SYNE2: variants seen among roughly 807,000 people sequenced by gnomAD.
SYNE2 encodes nesprin-2.
A neutral mutation model predicts 856.3 loss-of-function variants in SYNE2; 431 were observed. That is an observed-to-expected ratio of 0.50 (90% CI 0.47 to 0.55). The LOEUF is 0.55. Ranked by LOEUF, SYNE2 falls within the 20% of genes least tolerant of loss-of-function variation. The pLI, the probability that SYNE2 is intolerant of heterozygous loss-of-function variation, is 0.00. For missense variants in SYNE2, 8,129 were observed against 8,023.2 expected, an observed-to-expected ratio of 1.01 and a Z score of -0.50; for synonymous variants, 2,923 against 2,872.3, an observed-to-expected ratio of 1.02 and a Z score of -0.56.
At chr14:64,225,185 A>G (rs1185787309) in intron 115 of SYNE2, 134 bp from the exon 116 acceptor site, 1 of 1,556,452 alleles carries the variant, frequency 6.4e-7, no homozygotes, top group Admixed American at 1.8e-5. Flanking sequence ...CTCCTCTGAA[A>G]CTGAACCCCA....
At chr14:64,065,702 T>C (rs750064770) in intron 51 of SYNE2, 52 bp downstream of exon 51, 6 of 1,591,830 alleles carry the variant, frequency 3.8e-6, no homozygotes, top group Non-Finnish European at 5.1e-6. Flanking sequence ...GTTATTTAAA[T>C]TGTTTTATTA....
At chr14:63,951,746 T>C (rs1306854555) in intron 7 of SYNE2, among the ~76,000 whole-genome samples, 1 of 148,268 alleles carries the variant, frequency 6.7e-6, no homozygotes, top group African/African-American at 2.7e-5. Flanking sequence ...CAGTTTTCTA[T>C]ATTTTAAAAA....
In SYNE2 at chr14:64,078,496, T is replaced by A. The variant is rs2097489056; in HGVS notation, c.11053T>A (p.Ser3685Thr). 4 of 1,614,006 alleles carry A rather than the reference T, an allele frequency of 2.5e-6. No homozygotes were observed. In the South Asian group the frequency reaches 4.4e-5, roughly 18 times the overall value. ...ISNEVLKSSP[S>T]YAMRRKIEEI... is the part of the protein sequence containing the mutation. ...CAATGAAGTCTTAAAAAGCTCACCA[T>A]CATATGCAATGAGGAGAAAAATAGA... The change falls in exon 55 of 116, where the codon TCA becomes ACA. Residue 3685 changes from serine (S) to threonine (T), a missense_variant. By Grantham distance (58) the Ser-to-Thr change is moderately conservative. Transcript: ENST00000555002.
At position 64,225,892 on chromosome 14, in the gene SYNE2, A is replaced by G. The variant is rs978995949; in HGVS notation, c.*366A>G. The G allele has an allele frequency of 8.2e-6, 4 of 490,606 alleles. No individual in the cohort carries two copies. The highest frequency in any genetic ancestry group is 1.5e-5 in the Non-Finnish European group (4 of 274,738). The allele number at this position is 490,606 out of a possible 1,614,324, so 30.4% of individuals were successfully genotyped here. On this transcript the variant is annotated 3_prime_UTR_variant, in exon 116 of 116. Transcript: ENST00000555002. ...CAATGAGCAGTGGTGTCCATCACAT[A>G]TATTATAGAAGCAAGCGAGGACATT...
chr14:63,992,068 C>A (rs969496129), intron 21 of SYNE2, among the ~76,000 whole-genome samples: 1 of 152,052 alleles, frequency 6.6e-6, no homozygotes, highest in South Asian at 2.1e-4. Context: ...GATCTCACGC[C>A]GTTTGAATTT....
At chr14:63,821,765 A>C (rs1203986850) in intron 1 of SYNE2, among the ~76,000 whole-genome samples, 2 of 152,054 alleles carry the variant, frequency 1.3e-5, no homozygotes, top group African/African-American at 2.4e-5. Context: ...AAAAAAAAAG[A>C]ATAATGGAGT....
At chr14:64,112,552 T>C (rs2097819366) in intron 65 of SYNE2, among the ~76,000 whole-genome samples, 1 of 152,222 alleles carries the variant, frequency 6.6e-6, no homozygotes, top group African/African-American at 2.4e-5. Context: ...TTTCATTTGG[T>C]ATCTGGGAGA....
intron 21 of SYNE2, among the ~76,000 whole-genome samples, chr14:63,992,311 C>T (rs188266535): frequency 6.6e-6 from 1 of 152,210 alleles, no homozygotes; most frequent in African/African-American, 2.4e-5. Flanking sequence ...GGGTCTCACT[C>T]TGTCACCCAG....
chr14:64,221,842 A>G (rs577270641), intron 112 of SYNE2, 138 bp downstream of exon 112: 7 of 1,045,690 alleles, frequency 6.7e-6, no homozygotes, highest in African/African-American at 1.6e-5. Flanking sequence ...GTTCAGCCCT[A>G]GTGTTCCTCC....
intron 28 of SYNE2, among the ~76,000 whole-genome samples, chr14:64,001,088 T>C (rs1248060630): frequency 6.6e-6 from 1 of 152,196 alleles, no homozygotes; most frequent in Non-Finnish European, 1.5e-5. Flanking sequence ...GGACCTTGTA[T>C]ACATAGGTTG....
intron 34 of SYNE2, among the ~76,000 whole-genome samples, chr14:64,018,882 T>A (rs2096914999): frequency 6.6e-6 from 1 of 152,224 alleles, no homozygotes; most frequent in Non-Finnish European, 1.5e-5. Context: ...AGTCTCAGGT[T>A]GTGGCATCTG....
At chr14:64,165,179 G>C (rs1445515584) in intron 89 of SYNE2, 106 bp from the exon 90 acceptor site, 2 of 1,239,696 alleles carry the variant, frequency 1.6e-6, no homozygotes, top group African/African-American at 3.0e-5. Flanking sequence ...GAGCCACCGT[G>C]CCTAGCCAAA....
chr14:63,949,052 G>C (rs961601905), intron 6 of SYNE2, among the ~76,000 whole-genome samples: 5 of 151,724 alleles, frequency 3.3e-5, no homozygotes, highest in Non-Finnish European at 7.4e-5. Flanking sequence ...TTTGTTAATT[G>C]TGTTGTTGAC....
intron 104 of SYNE2, 42 bp from the exon 105 acceptor site, chr14:64,212,769 G>A (rs2098647948): frequency 1.3e-6 from 2 of 1,592,244 alleles, no homozygotes; most frequent in African/African-American, 2.7e-5. Context: ...GGAAGCTCAG[G>A]GTAACTTTCT....
chr14:63,793,844 T>C (rs1042597075), intron 1 of SYNE2, among the ~76,000 whole-genome samples: 1 of 151,580 alleles, frequency 6.6e-6, no homozygotes. Context: ...AGGCTGAGGT[T>C]GGGAGGATCA....
At chr14:64,209,610 C>T (rs1231394551) in intron 102 of SYNE2, 32 bp downstream of exon 102, 2 of 1,612,462 alleles carry the variant, frequency 1.2e-6, no homozygotes, top group East Asian at 2.2e-5. Flanking sequence ...GTCTCCTGAT[C>T]ATAACCAAGC....
Position 64,225,442 on chromosome 14 carries a change from A to T in SYNE2, c.20640A>T (p.Glu6880Asp). The T allele has an allele frequency of 1.9e-6, 3 of 1,614,118 alleles. No homozygotes were observed. The highest frequency in any genetic ancestry group is 2.5e-6 in the Non-Finnish European group (3 of 1,179,990). The change falls in exon 116 of 116, where the codon GAA (glutamate) becomes GAT (aspartate). Residue 6880 changes from glutamate to aspartate, a missense_variant. Glu to Asp is a conservative substitution (Grantham distance 45). Transcript: ENST00000555002. ...CCTGCCTGCTGCCCTCCTCCGAAGA[A>T]GACTACAGCTGCACTCAGGCCAACA... is the stretch of plus-strand genomic sequence containing the variant. ...LLACLLPSSE[E>D]DYSCTQANNF...
intron 84 of SYNE2, 80 bp from the exon 85 acceptor site, chr14:64,152,484 G>A: frequency 7.1e-7 from 1 of 1,417,520 alleles, no homozygotes; most frequent in South Asian, 1.2e-5. Context: ...TACTTGAAAA[G>A]AGTGAACTCC....
At chr14:63,892,729 C>CTTTTTTTT (rs11293385) in intron 1 of SYNE2, among the ~76,000 whole-genome samples, 3 of 130,248 alleles carry the variant, frequency 2.3e-5, no homozygotes, top group Non-Finnish European at 4.9e-5. Flanking sequence ...GGTGTACTTT[C>CTTTTTTTT]TTTTTTTTTT....
Sources: allele counts gnomAD v4.1 joint callset (sites outside exome capture counted in the v4.1 genomes callset), GRCh38; gene constraint gnomAD v4.1.1; transcripts MANE v1.5; gene names NCBI Gene and HGNC (gene_info 2026-07-23, HGNC 2026-07-21).